The following RANBP2 variants were observed in gnomAD, a reference collection of about 807,000 sequenced individuals.
The protein encoded by RANBP2 is RAN binding protein 2, also known as E3 SUMO-protein ligase RanBP2.
Under a neutral mutation model 303.6 loss-of-function variants are expected in RANBP2, and 57 were observed. The observed-to-expected ratio is 0.19, with a 90% CI of 0.15 to 0.23. The LOEUF (loss-of-function observed/expected upper bound fraction) is 0.23, where lower values mean the gene tolerates loss of function less well. Ranked by LOEUF, RANBP2 falls within the 10% of genes least tolerant of loss-of-function variation. RANBP2 has a pLI of 1.00. For synonymous variants in RANBP2, 1,167 were observed against 1,301.5 expected (o/e 0.90, Z 2.23); for missense variants, 3,138 against 3,780.8 (o/e 0.83, Z 4.46).
chr2:109,129,678 G>A, the RANBP2 span: 1 of 1,523,464 alleles, frequency 6.6e-7, no homozygotes, highest in Non-Finnish European at 8.8e-7. Context: ...GCGAGGACAT[G>A]GACGAGTCGT....
chr2:109,236,909 T>C, the RANBP2 span, among the ~76,000 whole-genome samples: 1 of 152,080 alleles, frequency 6.6e-6, no homozygotes, highest in Non-Finnish European at 1.5e-5. Flanking sequence ...AAGGCATAAG[T>C]ATAGTTCTAG....
the RANBP2 span, among the ~76,000 whole-genome samples, chr2:109,373,565 G>A: frequency 2.0e-5 from 3 of 152,036 alleles, no homozygotes; most frequent in Middle Eastern, 3.4e-3. Context: ...AGTAAATGCC[G>A]TATGGGTTTT....
At chr2:109,239,924 G>A in the RANBP2 span, among the ~76,000 whole-genome samples, 1 of 152,210 alleles carries the variant, frequency 6.6e-6, no homozygotes, top group South Asian at 2.1e-4. Flanking sequence ...GCAGCCAGGC[G>A]GAGGTGACTG....
At chr2:108,792,965 G>A in the RANBP2 span, among the ~76,000 whole-genome samples, 1 of 151,940 alleles carries the variant, frequency 6.6e-6, no homozygotes, top group African/African-American at 2.4e-5. Context: ...TCGGGAGGCT[G>A]AGGCAGGAGA....
chr2:108,781,711 A>G (rs1172624219), intron 26 of RANBP2, among the ~76,000 whole-genome samples: 2 of 152,162 alleles, frequency 1.3e-5, no homozygotes, highest in African/African-American at 4.8e-5. Context: ...ATTCTGGGGA[A>G]AAATTAACCT....
At position 108,764,728 on chromosome 2, in the gene RANBP2, C is replaced by T; in HGVS notation, c.4189C>T (p.Pro1397Ser). Residue 1397 changes from proline to serine, a missense_variant, in exon 20 of 29, where the codon CCT becomes TCT. Pro to Ser is a moderately conservative substitution (Grantham distance 74). Coordinates refer to ENST00000283195, the MANE Select transcript of RANBP2 (RefSeq NM_006267.5). ...ACCATTAGCTGAAACTGTTTTTACTCCTAAAACCAGCCCAGAGAATGTTCA... is the reference window on the plus strand; with the variant it reads ...ACCATTAGCTGAAACTGTTTTTACTTCTAAAACCAGCCCAGAGAATGTTCA... Reference protein sequence around the residue: ...GPPLAETVFTPKTSPENVQDR... With the variant: ...GPPLAETVFTSKTSPENVQDR... 1 of 1,613,944 alleles carries T rather than the reference C, an allele frequency of 6.2e-7. No individual in the cohort carries two copies. Among genetic ancestry groups the T allele is most frequent in the Non-Finnish European group, 8.5e-7 (1 of 1,179,956 alleles).
chr2:109,728,928 A>G, the RANBP2 span, among the ~76,000 whole-genome samples: 2 of 152,176 alleles, frequency 1.3e-5, no homozygotes, highest in Non-Finnish European at 1.5e-5. Context: ...AGAATTTAAC[A>G]TTCGGTACCA....
At chr2:109,566,289 T>C in the RANBP2 span, among the ~76,000 whole-genome samples, 1 of 151,746 alleles carries the variant, frequency 6.6e-6, no homozygotes, top group Non-Finnish European at 1.5e-5. Context: ...TCCAGCTAAT[T>C]TTTGCATTTT....
chr2:109,575,956 T>C, the RANBP2 span, among the ~76,000 whole-genome samples: 1 of 152,190 alleles, frequency 6.6e-6, no homozygotes, highest in Admixed American at 6.5e-5. Flanking sequence ...CATCTGTATT[T>C]TCCACCAGAA....
the RANBP2 span, among the ~76,000 whole-genome samples, chr2:109,424,457 G>A: frequency 6.7e-6 from 1 of 149,004 alleles, no homozygotes. Context: ...ACTTCACTTT[G>A]TTGTGCCTCA....
At chr2:108,817,553 A>T in the RANBP2 span, among the ~76,000 whole-genome samples, 1 of 152,148 alleles carries the variant, frequency 6.6e-6, no homozygotes, top group East Asian at 1.9e-4. Flanking sequence ...GGCCTCCCAA[A>T]GTGCTGGGAT....
the RANBP2 span, among the ~76,000 whole-genome samples, chr2:109,444,693 AG>A: frequency 1.3e-5 from 2 of 152,172 alleles, no homozygotes; most frequent in Admixed American, 6.5e-5. Context: ...GTTCTAAGGG[AG>A]GGTCCTAGAG....
chr2:108,842,634 T>C, the RANBP2 span, among the ~76,000 whole-genome samples: 1 of 152,248 alleles, frequency 6.6e-6, no homozygotes, highest in Middle Eastern at 3.4e-3. Flanking sequence ...GCGGGCTTCA[T>C]CTAGCTATTC....
the RANBP2 span, among the ~76,000 whole-genome samples, chr2:109,074,558 G>C: frequency 8.8e-3 from 1,322 of 149,616 alleles, 64 homozygotes; most frequent in East Asian, 0.041. Context: ...AAAATTAGCA[G>C]GGTGTGGTGG....
the RANBP2 span, among the ~76,000 whole-genome samples, chr2:109,077,386 C>T: frequency 4.7e-5 from 7 of 150,412 alleles, no homozygotes; most frequent in Middle Eastern, 0.017. Flanking sequence ...GAATAAAGTC[C>T]ACTTAATGTC....
At chr2:109,000,977 G>A in the RANBP2 span, among the ~76,000 whole-genome samples, 679 of 152,276 alleles carry the variant, frequency 4.5e-3, 7 homozygotes, top group African/African-American at 0.015. Context: ...GGTTCCATGT[G>A]CTGTGAGCCT....
At chr2:108,965,798 G>C in the RANBP2 span, among the ~76,000 whole-genome samples, 2 of 152,064 alleles carry the variant, frequency 1.3e-5, no homozygotes, top group African/African-American at 4.8e-5. Context: ...GGAAATTCAA[G>C]ATGGGCCTTT....
chr2:109,595,870 A>G, the RANBP2 span, among the ~76,000 whole-genome samples: 1 of 152,206 alleles, frequency 6.6e-6, no homozygotes, highest in African/African-American at 2.4e-5. Flanking sequence ...CATTAGACAC[A>G]ATGAGGAGGA....
At chr2:109,332,148 G>T in the RANBP2 span, among the ~76,000 whole-genome samples, 1 of 152,160 alleles carries the variant, frequency 6.6e-6, no homozygotes, top group East Asian at 1.9e-4. Flanking sequence ...CCAGAGAGGC[G>T]CTTTACCCAT....
Sources: allele counts gnomAD v4.1 joint callset (sites outside exome capture counted in the v4.1 genomes callset), GRCh38; gene constraint gnomAD v4.1.1; transcripts MANE v1.5; gene names NCBI Gene and HGNC (gene_info 2026-07-23, HGNC 2026-07-21).